Variants in LMX1B observed in about 807,000 individuals in gnomAD.
LMX1B encodes the protein LIM homeobox transcription factor 1-beta.
LMX1B carries 12 observed loss-of-function variants against 51.4 expected under a neutral mutation model. The observed-to-expected ratio is 0.23, with a 90% CI of 0.15 to 0.38. The LOEUF is 0.38. Among genes scored for constraint, LMX1B ranks in the 10% least tolerant of loss-of-function variants. LMX1B has a pLI of 1.00. For synonymous variants in LMX1B, 237 were observed against 235.4 expected, an observed-to-expected ratio of 1.01 and a Z score of -0.06; for missense variants, 445 against 571.1, an observed-to-expected ratio of 0.78 and a Z score of 2.25.
At chr9:126,678,331 A>C (rs1424133371) in intron 2 of LMX1B, among the ~76,000 whole-genome samples, 1 of 144,208 alleles carries the variant, frequency 6.9e-6, no homozygotes, top group Non-Finnish European at 1.5e-5. Flanking sequence ...ACAAAAAACA[A>C]AAAAAAAAAA....
chr9:126,620,932 A>G (rs1404881155), intron 2 of LMX1B, among the ~76,000 whole-genome samples: 2 of 152,114 alleles, frequency 1.3e-5, no homozygotes, highest in African/African-American at 2.4e-5. Flanking sequence ...GGATTTGTCT[A>G]TTTCTCAGAA....
chr9:126,644,652 G>C (rs771515815), intron 2 of LMX1B, among the ~76,000 whole-genome samples: 6 of 152,136 alleles, frequency 3.9e-5, no homozygotes, highest in South Asian at 2.1e-4. Flanking sequence ...GAAGATAATG[G>C]CTTTGCCCTC....
chr9:126,669,589 GA>G (rs1050591819), intron 2 of LMX1B, among the ~76,000 whole-genome samples: 3 of 152,180 alleles, frequency 2.0e-5, no homozygotes, highest in African/African-American at 4.8e-5. Flanking sequence ...TCACGTGTGT[GA>G]GTGTATACCT....
At chr9:126,661,848 C>T (rs1047354988) in intron 2 of LMX1B, among the ~76,000 whole-genome samples, 1 of 152,328 alleles carries the variant, frequency 6.6e-6, no homozygotes, top group South Asian at 2.1e-4. Flanking sequence ...GCCTGCAGCG[C>T]CCCCTGGCCC....
In LMX1B at chr9:126,614,225, T is replaced by C. The variant is rs1835252163; in HGVS notation, c.-225T>C. ...AGGAGCCGGCGCGCGTGGCTGCAAGTGTCCGGGAGAGCGCGGCGCGGGCTG... is the reference window on the plus strand; with the variant it reads ...AGGAGCCGGCGCGCGTGGCTGCAAGCGTCCGGGAGAGCGCGGCGCGGGCTG... On this transcript the variant is annotated 5_prime_UTR_variant, in exon 1 of 8. Transcript: ENST00000373474. Among the ~76,000 whole-genome samples the C allele has an allele frequency of 1.4e-5, 2 of 145,418 alleles. No individual in the cohort carries two copies. Among genetic ancestry groups the C allele is most frequent in the Non-Finnish European group, 3.1e-5 (2 of 65,490 alleles).
chr9:126,690,755 A>C, intron 2 of LMX1B, 81 bp from the exon 3 acceptor site: 1 of 1,263,952 alleles, frequency 7.9e-7, no homozygotes, highest in Non-Finnish European at 1.1e-6. Flanking sequence ...CAGGGTGGCA[A>C]GAGGGAGAGG....
intron 7 of LMX1B, 107 bp from the exon 8 acceptor site, chr9:126,696,187 C>T: frequency 7.9e-7 from 1 of 1,267,912 alleles, no homozygotes; most frequent in East Asian, 2.3e-5. Context: ...AGTCAGCAGG[C>T]CATCCTGTCT....
chr9:126,694,218 A>G (rs1393592142), intron 6 of LMX1B, among the ~76,000 whole-genome samples: 3 of 152,030 alleles, frequency 2.0e-5, no homozygotes, highest in Non-Finnish European at 4.4e-5. Context: ...AGCACACCCC[A>G]TCTCACCCTG....
intron 7 of LMX1B, 100 bp from the exon 8 acceptor site, chr9:126,696,194 G>T: frequency 7.7e-7 from 1 of 1,304,800 alleles, no homozygotes; most frequent in Non-Finnish European, 1.1e-6. Context: ...AGGCCATCCT[G>T]TCTCTCCCTG....
intron 2 of LMX1B, among the ~76,000 whole-genome samples, chr9:126,656,388 T>TAGAC (rs1185298643): frequency 4.6e-5 from 2 of 43,188 alleles, no homozygotes; most frequent in African/African-American, 1.7e-4. Context: ...GGTCTTTAGA[T>TAGAC]AGATAGATAG....
intron 2 of LMX1B, among the ~76,000 whole-genome samples, chr9:126,674,804 T>C (rs1836523534): frequency 6.6e-6 from 1 of 152,206 alleles, no homozygotes; most frequent in African/African-American, 2.4e-5. Context: ...CAGGACCCGC[T>C]GTGCCTCTCA....
rs1461380776 is a variant in LMX1B, at chr9:126,695,517, G to T, written c.887-322G>T. 6.6e-6 allele frequency among the ~76,000 whole-genome samples: 1 copy of T among 152,220 alleles called. No individual in the cohort carries two copies. Among genetic ancestry groups the T allele is most frequent in the African/African-American group, 2.4e-5 (1 of 41,450 alleles). On this transcript the variant is annotated intron_variant, in intron 6 of 7. Transcript: ENST00000373474. The surrounding 1 kb of genome is among the most constrained non-coding windows in gnomAD (Gnocchi z 5.2). ...TCTTCCCGGGGCCTTTTTGGCCTGG[G>T]TCTGGGACCTTGGTGCTCCCAGATG...
intron 6 of LMX1B, among the ~76,000 whole-genome samples, chr9:126,694,856 A>G (rs2030269139): frequency 6.6e-6 from 1 of 151,996 alleles, no homozygotes; most frequent in African/African-American, 2.4e-5. Flanking sequence ...TGCTTCCTGG[A>G]CACAGCCTCC....
intron 2 of LMX1B, among the ~76,000 whole-genome samples, chr9:126,628,070 C>T (rs567345428): frequency 3.3e-5 from 5 of 152,288 alleles, no homozygotes; most frequent in East Asian, 1.9e-4. Flanking sequence ...CTTGGGAATG[C>T]GGTCTACTAA....
chr9:126,619,065 G>A (rs1308589370), intron 2 of LMX1B, among the ~76,000 whole-genome samples: 1 of 152,186 alleles, frequency 6.6e-6, no homozygotes, highest in Non-Finnish European at 1.5e-5. Context: ...GGGCCCTTTG[G>A]GCTCGCCTGT....
intron 2 of LMX1B, among the ~76,000 whole-genome samples, chr9:126,682,502 G>A (rs1408455484): frequency 6.6e-6 from 1 of 152,218 alleles, no homozygotes; most frequent in Admixed American, 6.5e-5. Flanking sequence ...CCACGGGTAA[G>A]AAGGAACTGG....
chr9:126,684,162 T>G (rs1043339393), intron 2 of LMX1B, among the ~76,000 whole-genome samples: 1 of 152,132 alleles, frequency 6.6e-6, no homozygotes, highest in Non-Finnish European at 1.5e-5. Flanking sequence ...GGAAGGTGTT[T>G]CCAGCAGTGG....
intron 2 of LMX1B, among the ~76,000 whole-genome samples, chr9:126,617,040 C>G (rs556024437): frequency 6.6e-6 from 1 of 152,226 alleles, no homozygotes; most frequent in Non-Finnish European, 1.5e-5. Flanking sequence ...TGCCGTAGGT[C>G]GGCTTTGTGC....
chr9:126,614,384 G>C lies in LMX1B; in HGVS notation c.-66G>C. On this transcript the variant is annotated 5_prime_UTR_variant, in exon 1 of 8. Transcript: ENST00000373474. ...CCGGTTCCAGGGCCGCGGCGGCGGA[G>C]AGCGGGTGGACGGGCCGGCGGGCGA... 1 of 1,230,398 alleles carries C rather than the reference G, an allele frequency of 8.1e-7. No individual in the cohort carries two copies. The highest frequency in any genetic ancestry group is 1.0e-6 in the Non-Finnish European group (1 of 978,408). The allele number at this position is 1,230,398 out of a possible 1,614,324, so 76.2% of individuals were successfully genotyped here.
Sources: gnomAD v4.1 joint callset for allele counts (sites outside exome capture counted in the v4.1 genomes callset) on GRCh38, gnomAD v4.1.1 for gene constraint, Gnocchi (gnomAD v3.1) non-coding constraint, MANE v1.5 for transcripts, NCBI Gene and HGNC (gene_info 2026-07-23, HGNC 2026-07-21) for gene names.